The following FZD10 variants were observed in gnomAD, a reference collection of about 807,000 sequenced individuals.
The protein encoded by FZD10 is frizzled-10.
A neutral mutation model predicts 24.4 loss-of-function variants in FZD10; 14 were observed. The observed-to-expected ratio is 0.57, with a 90% CI of 0.38 to 0.90. The LOEUF is 0.90. Ranked by LOEUF, FZD10 falls within the 40% of genes least tolerant of loss-of-function variation. FZD10 has a pLI of 0.00. For missense variants in FZD10, 775 were observed against 816.6 expected (o/e 0.95, Z 0.62); for synonymous variants, 381 against 349.1 (o/e 1.09, Z -1.02).
rs572363149 is a variant in FZD10 at position 130,163,958 on chromosome 12, G to T, written c.1016G>T (p.Gly339Val). ...ACGCTCACCTGGTTCCTGGCCGCCG[G>T]CAAGAAGTGGGGCCACGAGGCCATC... ...VLTLTWFLAA[G>V]KKWGHEAIEA... The change falls in exon 1 of 1, where the codon GGC (glycine) becomes GTC (valine). Residue 339 changes from glycine (G) to valine (V), a missense_variant. Physicochemically the swap from Gly to Val is moderately radical, Grantham distance 109. Coordinates refer to ENST00000229030, the MANE Select transcript of FZD10 (RefSeq NM_007197.4). 14 of 1,613,784 alleles carry T rather than the reference G, an allele frequency of 8.7e-6. No homozygotes were observed. The South Asian group carries it at 1.5e-4, about 18-fold the overall frequency.
rs1456801093 is a variant in FZD10, at chr12:130,163,485, G to A, written c.543G>A (p.Pro181=). 36 of 1,600,948 alleles carry A rather than the reference G, an allele frequency of 2.2e-5. No homozygotes were observed. Among genetic ancestry groups the A allele is most frequent in the Non-Finnish European group, 3.1e-5 (36 of 1,173,816 alleles). Residue 181 remains proline, a synonymous_variant, in exon 1 of 1, where the codon CCG becomes CCA. Coordinates refer to ENST00000229030, the MANE Select transcript of FZD10 (RefSeq NM_007197.4). Reference sequence around the variant, plus strand: ...GGCCCCACAGCGCGCAGGAGCACCCGCTGAAGGACGGGGGCCCCGGGCGCG... The same window carrying A: ...GGCCCCACAGCGCGCAGGAGCACCCACTGAAGGACGGGGGCCCCGGGCGCG... ...PQRPHSAQEH[P]LKDGGPGRGG... is the part of the protein sequence containing the mutation.
In FZD10 at chr12:130,163,722, G is replaced by A. The variant is rs775085388; in HGVS notation, c.780G>A (p.Glu260=). Residue 260 remains glutamate, a synonymous_variant, in exon 1 of 1, where the codon GAG becomes GAA. Transcript: ENST00000229030. ...ACCCGGCCCGCTTCCGCTACCCCGA[G>A]CGCCCCATCATCTTCCTCTCCATGT... ...LIDPARFRYP[E]RPIIFLSMCY... is the part of the protein sequence containing the mutation. The A allele has an allele frequency of 1.9e-6, 3 of 1,613,890 alleles. No homozygotes were observed. The South Asian group carries it at 3.3e-5, about 18-fold the overall frequency.
In FZD10 at chr12:130,164,622, C is replaced by A. The variant is rs758597238; in HGVS notation, c.1680C>A (p.Ala560=). The A allele has an allele frequency of 6.2e-7, 1 of 1,612,650 alleles. No homozygotes were observed. The highest frequency in any genetic ancestry group is 1.1e-5 in the South Asian group (1 of 91,028). Residue 560 remains alanine, a synonymous_variant, in exon 1 of 1, where the codon GCC becomes GCA. Transcript: ENST00000229030. This position sits in a 1 kb window ranked among gnomAD's most constrained non-coding sequence, Gnocchi z 5.3. Reference sequence around the variant, plus strand: ...CCAGCGGTGGGATTTACAAAAAAGCCCAGCATCCCCAGAAAACTCACCACG... The same window carrying A: ...CCAGCGGTGGGATTTACAAAAAAGCACAGCATCCCCAGAAAACTCACCACG... ...VITSGGIYKK[A]QHPQKTHHGK... is the part of the protein sequence containing the mutation.
At position 130,164,762 on chromosome 12, in the gene FZD10, C is replaced by T. The variant is rs941077143; in HGVS notation, c.*74C>T. 2 of 1,000,724 alleles carry T rather than the reference C, an allele frequency of 2.0e-6. No individual in the cohort carries two copies. Among genetic ancestry groups the T allele is most frequent in the Non-Finnish European group, 1.4e-6 (1 of 711,864 alleles). 62.0% of individuals were successfully genotyped at this position (1,000,724 alleles called of 1,614,324 possible). On this transcript the variant is annotated 3_prime_UTR_variant, in exon 1 of 1. Transcript: ENST00000229030. The surrounding 1 kb of genome is among the most constrained non-coding windows in gnomAD (Gnocchi z 5.3). ...GCTTTTCTTGGTTGTGTTTTTCTTT[C>T]TTCTTCTTCTTTTTTTTTTTTTATA...
Position 130,163,427 on chromosome 12 carries a change from C to T in FZD10, c.485C>T (p.Ser162Leu), listed in dbSNP as rs756092983. ...NNGSDEPTRGSGLFPPLFRPQ... is the reference protein window; with the variant it reads ...NNGSDEPTRGLGLFPPLFRPQ... ...GGCTCGGACGAGCCCACCCGGGGCT[C>T]GGGCCTGTTCCCGCCGCTGTTCCGG... The change falls in exon 1 of 1, where the codon TCG becomes TTG. Residue 162 changes from serine to leucine, a missense_variant. By Grantham distance (145) the Ser-to-Leu change is moderately radical. Transcript: ENST00000229030. 2.5e-6 allele frequency: 4 copies of T among 1,610,172 alleles called. No individual in the cohort carries two copies. The highest frequency in any genetic ancestry group is 2.2e-5 in the South Asian group (2 of 91,052).
rs1344164778 is a variant in FZD10, at chr12:130,164,681, G to T, written c.1739G>T (p.Cys580Phe). The change falls in exon 1 of 1, where the codon TGC (cysteine) becomes TTC (phenylalanine). Residue 580 changes from cysteine to phenylalanine, a missense_variant. Cys to Phe is a radical substitution (Grantham distance 205). Coordinates refer to ENST00000229030, the MANE Select transcript of FZD10 (RefSeq NM_007197.4). This position sits in a 1 kb window ranked among gnomAD's most constrained non-coding sequence, Gnocchi z 5.3. ...GAGATCCCTGCCCAGTCGCCCACCTGCGTGTGAACAGGGCTGGAGGGAAGG... is the reference window on the plus strand; with the variant it reads ...GAGATCCCTGCCCAGTCGCCCACCTTCGTGTGAACAGGGCTGGAGGGAAGG... Reference protein sequence around the residue: ...KYEIPAQSPTCV With the variant: ...KYEIPAQSPTFV 6.2e-7 allele frequency: 1 copy of T among 1,603,040 alleles called. No individual in the cohort carries two copies.
Position 130,162,954 on chromosome 12 carries a change from G to A in FZD10, c.12G>A (p.Pro4=), listed in dbSNP as rs2135795482. The A allele has an allele frequency of 1.3e-6, 2 of 1,534,072 alleles. No individual in the cohort carries two copies. Among genetic ancestry groups the A allele is most frequent in the East Asian group, 2.4e-5 (1 of 41,202 alleles). Reference sequence around the variant, plus strand: ...CGTCCAACGCCAGCATGCAGCGCCCGGGCCCCCGCCTGTGGCTGGTCCTGC... The same window carrying A: ...CGTCCAACGCCAGCATGCAGCGCCCAGGCCCCCGCCTGTGGCTGGTCCTGC... MQR[P]GPRLWLVLQV... is the part of the protein sequence containing the mutation. The change falls in exon 1 of 1, where the codon CCG becomes CCA. Residue 4 remains proline, a synonymous_variant. Coordinates refer to ENST00000229030, the MANE Select transcript of FZD10 (RefSeq NM_007197.4).
chr12:130,163,759 T>C lies in FZD10; in HGVS notation c.817T>C (p.Tyr273His), dbSNP rs756375358. 1 of 1,613,942 alleles carries C rather than the reference T, an allele frequency of 6.2e-7. No individual in the cohort carries two copies. Among genetic ancestry groups the C allele is most frequent in the Admixed American group, 1.7e-5 (1 of 60,032 alleles). The change falls in exon 1 of 1, where the codon TAC becomes CAC. Residue 273 changes from tyrosine to histidine, a missense_variant. By Grantham distance (83) the Tyr-to-His change is moderately conservative. Transcript: ENST00000229030. ...CTTCCTCTCCATGTGCTACTGCGTC[T>C]ACTCCGTGGGCTACCTCATCCGCCT... ...IIFLSMCYCVYSVGYLIRLFA... is the reference protein window; with the variant it reads ...IIFLSMCYCVHSVGYLIRLFA...
Position 130,164,479 on chromosome 12 carries a change from G to A in FZD10, c.1537G>A (p.Val513Met), listed in dbSNP as rs369465643. The A allele has an allele frequency of 4.3e-6, 7 of 1,613,464 alleles. No individual in the cohort carries two copies. In the African/African-American group the frequency reaches 6.7e-5, roughly 15 times the overall value. Residue 513 changes from valine (V) to methionine (M), a missense_variant, in exon 1 of 1, where the codon GTG becomes ATG. Val to Met is a conservative substitution (Grantham distance 21). Transcript: ENST00000229030. This position sits in a 1 kb window ranked among gnomAD's most constrained non-coding sequence, Gnocchi z 5.3. ...IFMVKIFMLL[V>M]VGITSGMWIW... ...CATGGTGAAGATCTTTATGCTGCTG[G>A]TGGTGGGGATCACCAGCGGGATGTG...
rs1369514030 is a variant in FZD10 at position 130,162,541 on chromosome 12, G to C, written c.-402G>C. ...AGGCCGGCGCAGGGAGGGAGGAGCC[G>C]CCCGGGCTGTGGGGGCGCCGCGAGC... On this transcript the variant is annotated 5_prime_UTR_variant, in exon 1 of 1. Transcript: ENST00000229030. 6.5e-6 allele frequency: 1 copy of C among 153,308 alleles called. No homozygotes were observed. The highest frequency in any genetic ancestry group is 6.6e-5 in the Admixed American group (1 of 15,266). The allele number at this position is 153,308 out of a possible 1,614,324, so 9.5% of individuals were successfully genotyped here. A position where few individuals can be genotyped will look rare whatever the true frequency, so the allele number is the denominator to read the frequency against.
chr12:130,162,624 C>T lies in FZD10; in HGVS notation c.-319C>T, dbSNP rs1455681969. The T allele has an allele frequency of 2.4e-5, 4 of 168,034 alleles. No individual in the cohort carries two copies. Among genetic ancestry groups the T allele is most frequent in the African/African-American group, 9.5e-5 (4 of 41,920 alleles). The allele number at this position is 168,034 out of a possible 1,614,324, so 10.4% of individuals were successfully genotyped here. The stretch of plus-strand genomic sequence containing the variant: ...CCGCTCCAGACGCGCCACCTGGGCG[C>T]TCCAAGAAGAGGCCGAAGTTTGCCG... On this transcript the variant is annotated 5_prime_UTR_variant, in exon 1 of 1. Coordinates refer to ENST00000229030, the MANE Select transcript of FZD10 (RefSeq NM_007197.4).
Position 130,164,437 on chromosome 12 carries a change from C to G in FZD10, c.1495C>G (p.Pro499Ala). 1.2e-6 allele frequency: 2 copies of G among 1,613,838 alleles called. No individual in the cohort carries two copies. The highest frequency in any genetic ancestry group is 1.7e-6 in the Non-Finnish European group (2 of 1,179,998). ...TLDCLMAASI[P>A]AVEIFMVKIF... ...GGACTGCCTGATGGCCGCCTCCATC[C>G]CCGCCGTGGAGATCTTCATGGTGAA... The change falls in exon 1 of 1, where the codon CCC becomes GCC. Residue 499 changes from proline to alanine, a missense_variant. Physicochemically the swap from Pro to Ala is conservative, Grantham distance 27 (BLOSUM62 -1). Coordinates refer to ENST00000229030, the MANE Select transcript of FZD10 (RefSeq NM_007197.4). The surrounding 1 kb of genome is among the most constrained non-coding windows in gnomAD (Gnocchi z 5.3).
chr12:130,164,015 C>G lies in FZD10; in HGVS notation c.1073C>G (p.Ala358Gly), dbSNP rs1871748525. The change falls in exon 1 of 1, where the codon GCC becomes GGC. Residue 358 changes from alanine (A) to glycine (G), a missense_variant. Physicochemically the swap from Ala to Gly is moderately conservative, Grantham distance 60. Coordinates refer to ENST00000229030, the MANE Select transcript of FZD10 (RefSeq NM_007197.4). The surrounding 1 kb of genome is among the most constrained non-coding windows in gnomAD (Gnocchi z 5.3). Reference sequence around the variant, plus strand: ...AACAGCAGCTACTTCCACCTGGCAGCCTGGGCCATCCCGGCGGTGAAGACC... The same window carrying G: ...AACAGCAGCTACTTCCACCTGGCAGGCTGGGCCATCCCGGCGGTGAAGACC... ...EANSSYFHLA[A>G]WAIPAVKTIL... 3 of 1,613,766 alleles carry G rather than the reference C, an allele frequency of 1.9e-6. No individual in the cohort carries two copies. The highest frequency in any genetic ancestry group is 2.5e-6 in the Non-Finnish European group (3 of 1,180,036).
chr12:130,164,270 G>A lies in FZD10; in HGVS notation c.1328G>A (p.Arg443His). ...GACAAGCTGGAGAAGCTCATGGTGC[G>A]TATCGGGCTCTTCTCTGTGCTGTAC... ...NTDKLEKLMV[R>H]IGLFSVLYTV... Residue 443 changes from arginine to histidine, a missense_variant, in exon 1 of 1, where the codon CGT becomes CAT. Physicochemically the swap from Arg to His is conservative, Grantham distance 29 (BLOSUM62 0). Coordinates refer to ENST00000229030, the MANE Select transcript of FZD10 (RefSeq NM_007197.4). This position sits in a 1 kb window ranked among gnomAD's most constrained non-coding sequence, Gnocchi z 5.3. 1.9e-6 allele frequency: 3 copies of A among 1,614,154 alleles called. No individual in the cohort carries two copies. Among genetic ancestry groups the A allele is most frequent in the Non-Finnish European group, 1.7e-6 (2 of 1,180,032 alleles).
Position 130,164,238 on chromosome 12 carries a change from G to C in FZD10, c.1296G>C (p.Glu432Asp). 6.2e-7 allele frequency: 1 copy of C among 1,614,164 alleles called. No homozygotes were observed. The highest frequency in any genetic ancestry group is 8.5e-7 in the Non-Finnish European group (1 of 1,180,040). Residue 432 changes from glutamate (E) to aspartate (D), a missense_variant, in exon 1 of 1, where the codon GAG becomes GAC. Physicochemically the swap from Glu to Asp is conservative, Grantham distance 45. Coordinates refer to ENST00000229030, the MANE Select transcript of FZD10 (RefSeq NM_007197.4). The surrounding 1 kb of genome is among the most constrained non-coding windows in gnomAD (Gnocchi z 5.3). ...GGAGGGTGATGAAGACGGGCGGCGAGAACACGGACAAGCTGGAGAAGCTCA... is the reference window on the plus strand; with the variant it reads ...GGAGGGTGATGAAGACGGGCGGCGACAACACGGACAAGCTGGAGAAGCTCA... ...HIRRVMKTGG[E>D]NTDKLEKLMV...
chr12:130,163,765 G>T lies in FZD10; in HGVS notation c.823G>T (p.Val275Leu). ...CTCCATGTGCTACTGCGTCTACTCC[G>T]TGGGCTACCTCATCCGCCTCTTCGC... ...FLSMCYCVYS[V>L]GYLIRLFAGA... The change falls in exon 1 of 1, where the codon GTG becomes TTG. Residue 275 changes from valine to leucine, a missense_variant. Physicochemically the swap from Val to Leu is conservative, Grantham distance 32 (BLOSUM62 1). Coordinates refer to ENST00000229030, the MANE Select transcript of FZD10 (RefSeq NM_007197.4). 6.2e-7 allele frequency: 1 copy of T among 1,613,854 alleles called. No individual in the cohort carries two copies. The highest frequency in any genetic ancestry group is 8.5e-7 in the Non-Finnish European group (1 of 1,180,032).
Position 130,163,629 on chromosome 12 carries a change from C to A in FZD10, c.687C>A (p.Val229=). The A allele has an allele frequency of 1.9e-6, 3 of 1,613,016 alleles. No homozygotes were observed. The highest frequency in any genetic ancestry group is 1.7e-6 in the Non-Finnish European group (2 of 1,180,016). The change falls in exon 1 of 1, where the codon GTC becomes GTA. Residue 229 remains valine (V), a synonymous_variant. Transcript: ENST00000229030. ...GCGAGGACAAGCGCTTCGCAGTGGT[C>A]TGGCTGGCCATCTGGGCGGTGCTGT... is the stretch of plus-strand genomic sequence containing the variant. ...WSREDKRFAV[V]WLAIWAVLCF... is the part of the protein sequence containing the mutation.
rs1401176962 is a variant in FZD10, at chr12:130,163,702, G to T, written c.760G>T (p.Ala254Ser). The T allele has an allele frequency of 6.2e-7, 1 of 1,613,726 alleles. No homozygotes were observed. The highest frequency in any genetic ancestry group is 8.5e-7 in the Non-Finnish European group (1 of 1,180,038). The change falls in exon 1 of 1, where the codon GCC becomes TCC. Residue 254 changes from alanine to serine, a missense_variant. By Grantham distance (99) the Ala-to-Ser change is moderately conservative. Transcript: ENST00000229030. The part of the protein sequence containing the change: ...FTVLTFLIDP[A>S]RFRYPERPII... The stretch of plus-strand genomic sequence containing the variant: ...CGTGCTCACCTTCCTCATCGACCCG[G>T]CCCGCTTCCGCTACCCCGAGCGCCC...
At position 130,163,571 on chromosome 12, in the gene FZD10, T is replaced by C; in HGVS notation, c.629T>C (p.Leu210Pro). 6.2e-7 allele frequency: 1 copy of C among 1,607,304 alleles called. No individual in the cohort carries two copies. Among genetic ancestry groups the C allele is most frequent in the Non-Finnish European group, 8.5e-7 (1 of 1,176,246 alleles). The part of the protein sequence containing the change: ...HVEKSASCAP[L>P]CTPGVDVYWS... ...GAGAAGAGCGCGTCGTGCGCGCCGC[T>C]CTGCACGCCCGGCGTGGACGTGTAC... Residue 210 changes from leucine to proline, a missense_variant, in exon 1 of 1, where the codon CTC becomes CCC. Leu to Pro is a moderately conservative substitution (Grantham distance 98). Transcript: ENST00000229030.
Sources: gnomAD v4.1 joint callset for allele counts on GRCh38, gnomAD v4.1.1 for gene constraint, Gnocchi (gnomAD v3.1) non-coding constraint, MANE v1.5 for transcripts, NCBI Gene and HGNC (gene_info 2026-07-23, HGNC 2026-07-21) for gene names.